The following RALGAPA2 variants were observed in gnomAD, a reference collection of about 807,000 sequenced individuals.
The protein encoded by RALGAPA2 is ral GTPase-activating protein subunit alpha-2.
In RALGAPA2, 139 loss-of-function variants were observed where a neutral mutation model predicts 230.4. The observed-to-expected ratio is 0.60, with a 90% CI of 0.53 to 0.69. The LOEUF (loss-of-function observed/expected upper bound fraction) is 0.69, where lower values mean the gene tolerates loss of function less well. Among genes scored for constraint, RALGAPA2 ranks in the 30% least tolerant of loss-of-function variants. RALGAPA2 has a pLI of 0.00. For synonymous variants in RALGAPA2, 847 were observed against 837.8 expected, an observed-to-expected ratio of 1.01 and a Z score of -0.19; for missense variants, 2,163 against 2,276.0, an observed-to-expected ratio of 0.95 and a Z score of 1.01.
intron 3 of RALGAPA2, among the ~76,000 whole-genome samples, chr20:20,673,037 T>A (rs1274457807): frequency 1.3e-5 from 2 of 151,510 alleles, no homozygotes; most frequent in African/African-American, 2.4e-5. Context: ...ACAAAAAAAT[T>A]AGCTGGGTGT....
At chr20:20,401,130 C>T (rs925178148) in intron 38 of RALGAPA2, among the ~76,000 whole-genome samples, 2 of 152,006 alleles carry the variant, frequency 1.3e-5, no homozygotes, top group South Asian at 2.1e-4. Context: ...AATGAATAGA[C>T]CAAAAACATC....
intron 10 of RALGAPA2, among the ~76,000 whole-genome samples, chr20:20,628,665 C>G (rs2066570164): frequency 6.6e-6 from 1 of 152,204 alleles, no homozygotes; most frequent in Admixed American, 6.5e-5. Flanking sequence ...ATGCCAGTAG[C>G]ACCCCCTCCC....
At chr20:20,457,719 G>GCC (rs1201281589) in intron 37 of RALGAPA2, among the ~76,000 whole-genome samples, 1 of 152,214 alleles carries the variant, frequency 6.6e-6, no homozygotes, top group Non-Finnish European at 1.5e-5. Context: ...AGAAATCTCT[G>GCC]CCCTCACGCA....
At chr20:20,684,099 T>C (rs1028695658) in intron 1 of RALGAPA2, among the ~76,000 whole-genome samples, 5 of 152,168 alleles carry the variant, frequency 3.3e-5, no homozygotes, top group African/African-American at 9.7e-5. Context: ...TAAAACTAAC[T>C]TTAATTTTTT....
chr20:20,509,934 G>A (rs556443130), intron 33 of RALGAPA2, among the ~76,000 whole-genome samples: 1 of 152,186 alleles, frequency 6.6e-6, no homozygotes, highest in South Asian at 2.1e-4. Context: ...TTTGCTAGTT[G>A]GGTTTATATC....
Position 20,503,439 on chromosome 20 carries a change from G to A in RALGAPA2, c.5120C>T (p.Ala1707Val), listed in dbSNP as rs1471612921. 4.4e-6 allele frequency: 7 copies of A among 1,608,704 alleles called. No individual in the cohort carries two copies. The South Asian group carries it at 6.6e-5, about 15-fold the overall frequency. ...LQRNGSTGQT[A>V]PYYATSTVEV... ...CACAGTTGAGGTAGCATAGTAAGGG[G>A]CCGTCTGCCCGGTGCTGCCATTGCG... The change falls in exon 35 of 40, where the codon GCC (alanine) becomes GTC (valine). Residue 1707 changes from alanine (A) to valine (V), a missense_variant. Physicochemically the swap from Ala to Val is moderately conservative, Grantham distance 64. Coordinates refer to ENST00000202677, the MANE Select transcript of RALGAPA2 (RefSeq NM_020343.4).
intron 20 of RALGAPA2, among the ~76,000 whole-genome samples, chr20:20,577,359 A>G (rs1602902939): frequency 6.6e-6 from 1 of 152,288 alleles, no homozygotes; most frequent in South Asian, 2.1e-4. Context: ...ACACACATAA[A>G]AAAAGATGTA....
At chr20:20,529,115 G>A (rs1022094914) in intron 27 of RALGAPA2, among the ~76,000 whole-genome samples, 1 of 152,234 alleles carries the variant, frequency 6.6e-6, no homozygotes, top group Non-Finnish European at 1.5e-5. Context: ...AGTGGGGAGG[G>A]AGGTGTCCTC....
intron 3 of RALGAPA2, among the ~76,000 whole-genome samples, chr20:20,660,586 A>C (rs1007150164): frequency 2.4e-4 from 37 of 152,138 alleles, no homozygotes; most frequent in African/African-American, 8.7e-4. Flanking sequence ...GCCATGGAGA[A>C]TACAAAAGCT....
intron 31 of RALGAPA2, 29 bp from the exon 32 acceptor site, chr20:20,513,313 A>G: frequency 7.3e-7 from 1 of 1,365,772 alleles, no homozygotes; most frequent in Non-Finnish European, 9.5e-7. Context: ...AAACATAAAG[A>G]GTCAGTGGTG....
intron 36 of RALGAPA2, among the ~76,000 whole-genome samples, chr20:20,474,412 T>G (rs1427400820): frequency 6.6e-6 from 1 of 152,172 alleles, no homozygotes; most frequent in East Asian, 1.9e-4. Context: ...CCTGAGGATT[T>G]AGGGAAGCAG....
chr20:20,500,217 A>G (rs2062333812), intron 35 of RALGAPA2, among the ~76,000 whole-genome samples: 1 of 152,170 alleles, frequency 6.6e-6, no homozygotes, highest in South Asian at 2.1e-4. Flanking sequence ...TTAAGGTAAG[A>G]TAATGAAATT....
At chr20:20,396,185 G>A (rs1053927345) in intron 39 of RALGAPA2, among the ~76,000 whole-genome samples, 35 of 152,306 alleles carry the variant, frequency 2.3e-4, no homozygotes, top group African/African-American at 7.0e-4. Context: ...CACCCTCTGC[G>A]CTCCCGCAGC....
chr20:20,434,524 T>A (rs766141592), intron 37 of RALGAPA2, among the ~76,000 whole-genome samples: 1 of 152,164 alleles, frequency 6.6e-6, no homozygotes, highest in Non-Finnish European at 1.5e-5. Context: ...GCCACCAGCA[T>A]GGCCAAATGC....
intron 12 of RALGAPA2, among the ~76,000 whole-genome samples, chr20:20,617,964 G>A (rs2066199919): frequency 6.6e-6 from 1 of 152,060 alleles, no homozygotes; most frequent in South Asian, 2.1e-4. Context: ...AGGACAGTAA[G>A]TCCTCATTTA....
rs2062887785 is a variant in RALGAPA2 at position 20,516,889 on chromosome 20, G to T, written c.4085-3605C>A. ...ATGGGACAAAAGAATTTGGACAGCA[G>T]GTCTTGAGTCCCACATCTTTCTGCC... On this transcript the variant is annotated intron_variant, in intron 31 of 39. Transcript: ENST00000202677. Among the ~76,000 whole-genome samples, 3 of 152,234 alleles carry T rather than the reference G, an allele frequency of 2.0e-5. No homozygotes were observed. The South Asian group carries it at 6.2e-4, about 32-fold the overall frequency.
rs775832424 is a variant in RALGAPA2 at position 20,536,682 on chromosome 20, C to T, written c.3388G>A (p.Ala1130Thr). The change falls in exon 25 of 40, where the codon GCC (alanine) becomes ACC (threonine). Residue 1130 changes from alanine (A) to threonine (T), a missense_variant. Ala to Thr is a moderately conservative substitution (Grantham distance 58). Coordinates refer to ENST00000202677, the MANE Select transcript of RALGAPA2 (RefSeq NM_020343.4). Reference protein sequence around the residue: ...LLQSVPEVNEAITGTEDVKHY... With the variant: ...LLQSVPEVNETITGTEDVKHY... ...TTGACATCTTCAGTTCCTGTAATGGCCTCATTTACTTCTGGCACTGACTGC... is the reference window on the plus strand; with the variant it reads ...TTGACATCTTCAGTTCCTGTAATGGTCTCATTTACTTCTGGCACTGACTGC... The T allele has an allele frequency of 5.0e-6, 8 of 1,612,868 alleles. No individual in the cohort carries two copies. Among genetic ancestry groups the T allele is most frequent in the Non-Finnish European group, 6.8e-6 (8 of 1,179,084 alleles).
chr20:20,507,239 A>C (rs1602582867), intron 33 of RALGAPA2, among the ~76,000 whole-genome samples: 1 of 152,236 alleles, frequency 6.6e-6, no homozygotes, highest in African/African-American at 2.4e-5. Context: ...CCATTATATT[A>C]ATATGTCATG....
At chr20:20,541,609 C>G (rs1055969928) in intron 24 of RALGAPA2, among the ~76,000 whole-genome samples, 2 of 152,156 alleles carry the variant, frequency 1.3e-5, no homozygotes, top group Non-Finnish European at 2.9e-5. Context: ...TGGGCCAGGA[C>G]AGCTCAAGGT....
Sources: allele counts gnomAD v4.1 joint callset (sites outside exome capture counted in the v4.1 genomes callset), GRCh38; gene constraint gnomAD v4.1.1; transcripts MANE v1.5; gene names NCBI Gene and HGNC (gene_info 2026-07-23, HGNC 2026-07-21).